The following RANBP6 variants were observed in gnomAD, a reference collection of about 807,000 sequenced individuals.
The protein encoded by RANBP6 is RAN binding protein 6, also known as ran-binding protein 6.
Under a neutral mutation model 35.3 loss-of-function variants are expected in RANBP6, and 10 were observed. The observed-to-expected ratio is 0.28, with a 90% confidence interval of 0.17 to 0.48. RANBP6 has a LOEUF of 0.48. RANBP6 is among the 20% of genes least tolerant of loss of function. The pLI, the probability that RANBP6 is intolerant of heterozygous loss-of-function variation, is 0.99. For synonymous variants in RANBP6, 514 were observed against 464.2 expected (o/e 1.11, Z -1.38); for missense variants, 1,392 against 1,307.7 (o/e 1.06, Z -0.99).
Position 6,013,364 on chromosome 9 carries a change from C to A in RANBP6, c.2244G>T (p.Glu748Asp). Residue 748 changes from glutamate (E) to aspartate (D), a missense_variant, in exon 1 of 1, where the codon GAG (glutamate) becomes GAT (aspartate). Transcript: ENST00000259569. ...LLECARIRGP[E>D]YLAQMWQFIC... Reference sequence around the variant, plus strand: ...TGAATTGCCACATCTGTGCAAGATACTCTGGGCCACGAATTCTTGCACATT... The same window carrying A: ...TGAATTGCCACATCTGTGCAAGATAATCTGGGCCACGAATTCTTGCACATT... The A allele has an allele frequency of 6.2e-7, 1 of 1,614,158 alleles. No homozygotes were observed. The highest frequency in any genetic ancestry group is 8.5e-7 in the Non-Finnish European group (1 of 1,179,986).
chr9:6,015,482 T>C lies in RANBP6; in HGVS notation c.126A>G (p.Glu42=), dbSNP rs1166911819. 5 of 1,614,098 alleles carry C rather than the reference T, an allele frequency of 3.1e-6. No homozygotes were observed. The highest frequency in any genetic ancestry group is 4.2e-6 in the Non-Finnish European group (5 of 1,180,046). Residue 42 remains glutamate, a synonymous_variant, in exon 1 of 1, where the codon GAA becomes GAG. Transcript: ENST00000259569. ...TAGTCTTACACAGACCTGGGATATT[T>C]TCATAGATTTCCTCTGCTTGCCTCC... The part of the protein sequence containing the change: ...MVRRQAEEIY[E]NIPGLCKTTF...
At position 6,014,706 on chromosome 9, in the gene RANBP6, A is replaced by G. The variant is rs1260806021; in HGVS notation, c.902T>C (p.Met301Thr). The G allele has an allele frequency of 1.2e-6, 2 of 1,614,070 alleles. No individual in the cohort carries two copies. The highest frequency in any genetic ancestry group is 2.7e-5 in the African/African-American group (2 of 74,946). Residue 301 changes from methionine to threonine, a missense_variant, in exon 1 of 1, where the codon ATG (methionine) becomes ACG (threonine). Coordinates refer to ENST00000259569, the MANE Select transcript of RANBP6 (RefSeq NM_012416.4). ...AATAATATTTGTATGTTTTTTCAAC[A>G]TCGGAGTGGCAGTTTCAGACAAGGT... is the stretch of plus-strand genomic sequence containing the variant. ...IVTLSETATP[M>T]LKKHTNIIAQ...
chr9:6,011,473 A>G lies in RANBP6; in HGVS notation c.*817T>C, dbSNP rs1842468680. The G allele has an allele frequency of 6.6e-6, 1 of 152,176 alleles. No individual in the cohort carries two copies. Among genetic ancestry groups the G allele is most frequent in the African/African-American group, 2.4e-5 (1 of 41,438 alleles). The allele number at this position is 152,176 out of a possible 1,614,324, so 9.4% of individuals were successfully genotyped here. ...TCTCTTGTTGAGCTGCTTTGCAGGG[A>G]GAAAATGGCATACATATACAAAATA... On this transcript the variant is annotated 3_prime_UTR_variant, in exon 1 of 1. Transcript: ENST00000259569.
chr9:6,012,701 T>C lies in RANBP6; in HGVS notation c.2907A>G (p.Lys969=). Residue 969 remains lysine (K), a synonymous_variant, in exon 1 of 1, where the codon AAA becomes AAG. Transcript: ENST00000259569. ...LVKVIKCANS[K]TKKNVIATEN... Reference sequence around the variant, plus strand: ...CTGTAGCAATGACATTTTTTTTGGTTTTGGAATTTGCACACTTAATAACTT... The same window carrying C: ...CTGTAGCAATGACATTTTTTTTGGTCTTGGAATTTGCACACTTAATAACTT... The C allele has an allele frequency of 6.2e-7, 1 of 1,613,966 alleles. No homozygotes were observed. Among genetic ancestry groups the C allele is most frequent in the Non-Finnish European group, 8.5e-7 (1 of 1,179,964 alleles).
rs1469337335 is a variant in RANBP6, at chr9:6,013,309, T to G, written c.2299A>C (p.Thr767Pro). 6.2e-7 allele frequency: 1 copy of G among 1,614,084 alleles called. No homozygotes were observed. Among genetic ancestry groups the G allele is most frequent in the Non-Finnish European group, 8.5e-7 (1 of 1,180,030 alleles). ...ICDPLIKAIG[T>P]EPDTDVLSEI... is the part of the protein sequence containing the mutation. ...GAGAGCACATCTGTATCTGGTTCAGTACCAATAGCCTTGATTAAGGGGTCA... is the reference window on the plus strand; with the variant it reads ...GAGAGCACATCTGTATCTGGTTCAGGACCAATAGCCTTGATTAAGGGGTCA... The change falls in exon 1 of 1, where the codon ACT becomes CCT. Residue 767 changes from threonine to proline, a missense_variant. Physicochemically the swap from Thr to Pro is conservative, Grantham distance 38. Transcript: ENST00000259569.
rs762313027 is a variant in RANBP6, at chr9:6,014,769, C to G, written c.839G>C (p.Ser280Thr). 6 of 1,614,204 alleles carry G rather than the reference C, an allele frequency of 3.7e-6. No individual in the cohort carries two copies. Among genetic ancestry groups the G allele is most frequent in the Non-Finnish European group, 5.1e-6 (6 of 1,180,040 alleles). Residue 280 changes from serine (S) to threonine (T), a missense_variant, in exon 1 of 1, where the codon AGT becomes ACT. Coordinates refer to ENST00000259569, the MANE Select transcript of RANBP6 (RefSeq NM_012416.4). ...SLKLCGDSRL[S>T]NLQRQLALEV... is the part of the protein sequence containing the mutation. The stretch of plus-strand genomic sequence containing the variant: ...GAGGGCCAGCTGGCGCTGCAGATTA[C>G]TAAGCCTAGAGTCTCCACATAACTT...
In RANBP6 at chr9:6,015,576, G is replaced by T. The variant is rs138588521; in HGVS notation, c.32C>A (p.Ala11Glu). Residue 11 changes from alanine to glutamate, a missense_variant, in exon 1 of 1, where the codon GCG (alanine) becomes GAG (glutamate). Coordinates refer to ENST00000259569, the MANE Select transcript of RANBP6 (RefSeq NM_012416.4). MAATASAGVP[A>E]TVSEKQEFYQ... ...AAACTCTTGCTTTTCTGACACGGTCGCCGGCACCCCTGCAGACGCGGTTGC... is the reference window on the plus strand; with the variant it reads ...AAACTCTTGCTTTTCTGACACGGTCTCCGGCACCCCTGCAGACGCGGTTGC... 163 of 1,603,218 alleles carry T rather than the reference G, an allele frequency of 1.0e-4. No individual in the cohort carries two copies. In the African/African-American group the frequency reaches 1.6e-3, roughly 16 times the overall value.
rs1247582588 is a variant in RANBP6 at position 6,012,764 on chromosome 9, A to C, written c.2844T>G (p.Tyr948Ter). 2 of 1,614,108 alleles carry C rather than the reference A, an allele frequency of 1.2e-6. No individual in the cohort carries two copies. The highest frequency in any genetic ancestry group is 4.5e-5 in the East Asian group (2 of 44,900). The change falls in exon 1 of 1, where the codon TAT (tyrosine) becomes TAG (stop). Residue 948 changes from tyrosine to a stop codon, truncating the protein, a stop_gained. Coordinates refer to ENST00000259569, the MANE Select transcript of RANBP6 (RefSeq NM_012416.4). LOFTEE classifies it high-confidence loss of function. ...GAACAGCTTCTGAACATAAAGAACG[A>C]TAATCATCTCCACCAAACTGTGCCA... is the stretch of plus-strand genomic sequence containing the variant. ...GVMAQFGGDD[Y>*]RSLCSEAVPL...
chr9:6,014,707 T>C lies in RANBP6; in HGVS notation c.901A>G (p.Met301Val). 8.1e-6 allele frequency: 13 copies of C among 1,614,190 alleles called. No individual in the cohort carries two copies. Among genetic ancestry groups the C allele is most frequent in the Non-Finnish European group, 1.1e-5 (13 of 1,180,052 alleles). The change falls in exon 1 of 1, where the codon ATG (methionine) becomes GTG (valine). Residue 301 changes from methionine to valine, a missense_variant. Met to Val is a conservative substitution (Grantham distance 21). Coordinates refer to ENST00000259569, the MANE Select transcript of RANBP6 (RefSeq NM_012416.4). ...IVTLSETATP[M>V]LKKHTNIIAQ... Reference sequence around the variant, plus strand: ...ATAATATTTGTATGTTTTTTCAACATCGGAGTGGCAGTTTCAGACAAGGTC... The same window carrying C: ...ATAATATTTGTATGTTTTTTCAACACCGGAGTGGCAGTTTCAGACAAGGTC...
chr9:6,012,826 C>T lies in RANBP6; in HGVS notation c.2782G>A (p.Glu928Lys). 2 of 1,614,092 alleles carry T rather than the reference C, an allele frequency of 1.2e-6. No individual in the cohort carries two copies. The highest frequency in any genetic ancestry group is 8.5e-7 in the Non-Finnish European group (1 of 1,180,004). Residue 928 changes from glutamate (E) to lysine (K), a missense_variant, in exon 1 of 1, where the codon GAA becomes AAA. Physicochemically the swap from Glu to Lys is moderately conservative, Grantham distance 56. Transcript: ENST00000259569. ...CCATAAGCAGCAGCTTGCCTGACTT[C>T]AGGGTTGTTATCTCGCATATTTAGT... Reference protein sequence around the residue: ...MLLNMRDNNPEVRQAAAYGLG... With the variant: ...MLLNMRDNNPKVRQAAAYGLG...
rs1842552949 is a variant in RANBP6, at chr9:6,015,216, T to G, written c.392A>C (p.Glu131Ala). ...TTCCGGCCAGTGGTTAGTGCCATCCTCATCTATCAAATTCCTGGCCAGCAC... is the reference window on the plus strand; with the variant it reads ...TTCCGGCCAGTGGTTAGTGCCATCCGCATCTATCAAATTCCTGGCCAGCAC... ...FAVLARNLID[E>A]DGTNHWPEGL... The change falls in exon 1 of 1, where the codon GAG becomes GCG. Residue 131 changes from glutamate to alanine, a missense_variant. Coordinates refer to ENST00000259569, the MANE Select transcript of RANBP6 (RefSeq NM_012416.4). The G allele has an allele frequency of 3.7e-6, 6 of 1,614,192 alleles. No homozygotes were observed. The highest frequency in any genetic ancestry group is 4.2e-6 in the Non-Finnish European group (5 of 1,180,032).
rs61758806 is a variant in RANBP6, at chr9:6,013,624, C to T, written c.1984G>A (p.Asp662Asn). The change falls in exon 1 of 1, where the codon GAT becomes AAT. Residue 662 changes from aspartate to asparagine, a missense_variant. Transcript: ENST00000259569. ...AGATTTACAAATTGCCAGCCATCAT[C>T]GTCACTCATATTTTCCACATCCTGT... is the stretch of plus-strand genomic sequence containing the variant. ...DTQDVENMSD[D>N]DGWQFVNLGD... 5,902 of 1,614,184 alleles carry T rather than the reference C, an allele frequency of 3.7e-3. 19 individuals are homozygous for T. Among genetic ancestry groups the T allele is most frequent in the Non-Finnish European group, 3.9e-3 (4,569 of 1,180,036 alleles).
rs754376396 is a variant in RANBP6 at position 6,015,594 on chromosome 9, G to A, written c.14C>T (p.Ala5Val). 2.5e-6 allele frequency: 4 copies of A among 1,595,812 alleles called. No individual in the cohort carries two copies. Among genetic ancestry groups the A allele is most frequent in the East Asian group, 2.2e-5 (1 of 44,862 alleles). Residue 5 changes from alanine to valine, a missense_variant, in exon 1 of 1, where the codon GCG (alanine) becomes GTG (valine). Ala to Val is a moderately conservative substitution (Grantham distance 64). Coordinates refer to ENST00000259569, the MANE Select transcript of RANBP6 (RefSeq NM_012416.4). Reference sequence around the variant, plus strand: ...CACGGTCGCCGGCACCCCTGCAGACGCGGTTGCCGCCATTGCGCTCTGTCA... The same window carrying A: ...CACGGTCGCCGGCACCCCTGCAGACACGGTTGCCGCCATTGCGCTCTGTCA... MAAT[A>V]SAGVPATVSE...
At position 6,014,750 on chromosome 9, in the gene RANBP6, C is replaced by G. The variant is rs145925134; in HGVS notation, c.858G>C (p.Leu286=). The change falls in exon 1 of 1, where the codon CTG becomes CTC. Residue 286 remains leucine (L), a synonymous_variant. Coordinates refer to ENST00000259569, the MANE Select transcript of RANBP6 (RefSeq NM_012416.4). The stretch of plus-strand genomic sequence containing the variant: ...ACAAGGTCACTATAACTTCGAGGGC[C>G]AGCTGGCGCTGCAGATTACTAAGCC... ...DSRLSNLQRQ[L]ALEVIVTLSE... The G allele has an allele frequency of 7.6e-5, 122 of 1,614,066 alleles. No individual in the cohort carries two copies. Among genetic ancestry groups the G allele is most frequent in the Non-Finnish European group, 9.9e-5 (117 of 1,180,054 alleles).
In RANBP6 at chr9:6,014,230, T is replaced by A. The variant is rs1442781645; in HGVS notation, c.1378A>T (p.Asn460Tyr). 6.2e-7 allele frequency: 1 copy of A among 1,613,672 alleles called. No homozygotes were observed. Among genetic ancestry groups the A allele is most frequent in the Non-Finnish European group, 8.5e-7 (1 of 1,179,908 alleles). The change falls in exon 1 of 1, where the codon AAT becomes TAT. Residue 460 changes from asparagine to tyrosine, a missense_variant. Asn to Tyr is a moderately radical substitution (Grantham distance 143). Coordinates refer to ENST00000259569, the MANE Select transcript of RANBP6 (RefSeq NM_012416.4). ...GATTGCACACGCTGATTACCTTGAT[T>A]TTCCATGGTACGTAACAGAGCTGCA... ...VIAALLRTME[N>Y]QGNQRVQSHA...
At position 6,013,763 on chromosome 9, in the gene RANBP6, T is replaced by C. The variant is rs372619062; in HGVS notation, c.1845A>G (p.Ala615=). ...DDPQTSYMVS[A]WARMCKILGK... The stretch of plus-strand genomic sequence containing the variant: ...CAAGAATTTTACACATTCTAGCCCA[T>C]GCTGAAACCATGTAAGAGGTCTGAG... Residue 615 remains alanine, a synonymous_variant, in exon 1 of 1, where the codon GCA becomes GCG. Transcript: ENST00000259569. The C allele has an allele frequency of 1.1e-5, 17 of 1,613,834 alleles. No individual in the cohort carries two copies. Among genetic ancestry groups the C allele is most frequent in the African/African-American group, 2.7e-5 (2 of 74,962 alleles).
In RANBP6 at chr9:6,012,134, AGGAC is replaced by A; in HGVS notation, c.*152_*155del. The A allele has an allele frequency of 3.7e-6, 2 of 534,294 alleles. No homozygotes were observed. Among genetic ancestry groups the A allele is most frequent in the South Asian group, 7.6e-5 (2 of 26,242 alleles). 33.1% of individuals were successfully genotyped at this position (534,294 alleles called of 1,614,324 possible). Reference sequence around the variant, plus strand: ...AAGATAAAACATGCGAGATAAACAGAGGACTAACACTGATTAATTCTGGAGAAAC... The same window carrying A: ...AAGATAAAACATGCGAGATAAACAGATAACACTGATTAATTCTGGAGAAAC... On this transcript the variant is annotated 3_prime_UTR_variant, in exon 1 of 1. Coordinates refer to ENST00000259569, the MANE Select transcript of RANBP6 (RefSeq NM_012416.4).
rs768046449 is a variant in RANBP6 at position 6,013,672 on chromosome 9, G to A, written c.1936C>T (p.Pro646Ser). The change falls in exon 1 of 1, where the codon CCT becomes TCT. Residue 646 changes from proline to serine, a missense_variant. By Grantham distance (74) the Pro-to-Ser change is moderately conservative. Coordinates refer to ENST00000259569, the MANE Select transcript of RANBP6 (RefSeq NM_012416.4). ...EPLIKTASAK[P>S]DVALLDTQDV... ...TGTGTGTCTAAGAGAGCAACATCAG[G>A]TTTAGCTGAAGCAGTCTTAATAAGA... 3 of 1,614,040 alleles carry A rather than the reference G, an allele frequency of 1.9e-6. No homozygotes were observed. The highest frequency in any genetic ancestry group is 2.2e-5 in the East Asian group (1 of 44,902).
At position 6,012,914 on chromosome 9, in the gene RANBP6, G is replaced by T; in HGVS notation, c.2694C>A (p.Asp898Glu). ...AAGTTGGACTGCAGTGCTCTATGAT[G>T]TCATCAAATATGCACAATCCCCACT... ...DRQWGLCIFD[D>E]IIEHCSPTSF... The change falls in exon 1 of 1, where the codon GAC (aspartate) becomes GAA (glutamate). Residue 898 changes from aspartate (D) to glutamate (E), a missense_variant. By Grantham distance (45) the Asp-to-Glu change is conservative. Transcript: ENST00000259569. The T allele has an allele frequency of 6.2e-7, 1 of 1,614,110 alleles. No individual in the cohort carries two copies. Among genetic ancestry groups the T allele is most frequent in the African/African-American group, 1.3e-5 (1 of 75,048 alleles).
Sources: gnomAD v4.1 joint callset for allele counts on GRCh38, gnomAD v4.1.1 for gene constraint, MANE v1.5 for transcripts, NCBI Gene and HGNC (gene_info 2026-07-23, HGNC 2026-07-21) for gene names.